ABI3BP: variants seen among roughly 807,000 people sequenced by gnomAD.
The protein encoded by ABI3BP is target of Nesh-SH3.
Under a neutral mutation model 268.6 loss-of-function variants are expected in ABI3BP, and 216 were observed. The ratio of observed to expected loss-of-function variants is 0.80; its 90% CI spans 0.72 to 0.90. ABI3BP has a LOEUF of 0.90. ABI3BP is among the 40% of genes least tolerant of loss of function. The probability of loss-of-function intolerance (pLI) is 0.00; values close to 1 mark genes in which losing one functional copy is unlikely to be tolerated. For missense variants in ABI3BP, 2,090 were observed against 2,182.4 expected, an observed-to-expected ratio of 0.96 and a Z score of 0.84; for synonymous variants, 730 against 730.0, an observed-to-expected ratio of 1.00 and a Z score of 0.00.
intron 1 of ABI3BP, among the ~76,000 whole-genome samples, chr3:100,927,275 T>C (rs2062064903): frequency 1.3e-5 from 2 of 152,154 alleles, no homozygotes; most frequent in Non-Finnish European, 2.9e-5. Flanking sequence ...CTTGACCAAA[T>C]GGTGAGGAAA....
intron 2 of ABI3BP, among the ~76,000 whole-genome samples, chr3:100,915,596 G>A (rs1184296939): frequency 6.6e-6 from 1 of 152,210 alleles, no homozygotes; most frequent in Non-Finnish European, 1.5e-5. Flanking sequence ...GGGAGGCCAA[G>A]CATAAGAACC....
At chr3:100,784,528 G>T (rs746053374) in intron 57 of ABI3BP, among the ~76,000 whole-genome samples, 4 of 152,086 alleles carry the variant, frequency 2.6e-5, no homozygotes, top group Admixed American at 2.6e-4. Flanking sequence ...CTACTACTGG[G>T]TATCTACTTA....
intron 34 of ABI3BP, 117 bp from the exon 35 acceptor site, chr3:100,825,961 G>A: frequency 2.6e-6 from 2 of 775,156 alleles, no homozygotes; most frequent in Admixed American, 2.1e-5. Flanking sequence ...ACATTTCTGG[G>A]AAGGGCATTA....
intron 43 of ABI3BP, chr3:100,816,475 C>A: frequency 1.6e-6 from 1 of 635,568 alleles, no homozygotes; most frequent in Non-Finnish European, 2.8e-6. Context: ...CAAACCAAGT[C>A]ATTTAGGAGA....
chr3:100,750,860 A>G (rs760491624), intron 67 of ABI3BP, among the ~76,000 whole-genome samples: 1 of 152,168 alleles, frequency 6.6e-6, no homozygotes, highest in South Asian at 2.1e-4. Context: ...AGTGAGTTTC[A>G]CTGCCCATTA....
At chr3:100,875,021 A>G (rs141173050) in intron 8 of ABI3BP, 88 bp from the exon 9 acceptor site, 9 of 701,630 alleles carry the variant, frequency 1.3e-5, no homozygotes, top group South Asian at 6.6e-5. Context: ...ATTACAAACT[A>G]TGAAGCATAG....
At chr3:100,794,842 G>T in intron 54 of ABI3BP, 81 bp downstream of exon 54, 1 of 1,010,160 alleles carries the variant, frequency 9.9e-7, no homozygotes, top group South Asian at 1.5e-5. Context: ...AAAAATCTGT[G>T]AACATAATGT....
Position 100,820,921 on chromosome 3 carries a change from G to A in ABI3BP, c.2947+133C>T, listed in dbSNP as rs1411521498. ...TCAGAATTTTCAATACTTTTAGGATGAAGAATATGATGGAATGAAACAGAG... is the reference window on the plus strand; with the variant it reads ...TCAGAATTTTCAATACTTTTAGGATAAAGAATATGATGGAATGAAACAGAG... On this transcript the variant is annotated intron_variant, in intron 39 of 67. Transcript: ENST00000471714. 5.0e-6 allele frequency: 4 copies of A among 797,622 alleles called. No homozygotes were observed. In the African/African-American group the frequency reaches 5.2e-5, roughly 10 times the overall value. The allele number at this position is 797,622 out of a possible 1,614,324, so 49.4% of individuals were successfully genotyped here. A position where few individuals can be genotyped will look rare whatever the true frequency, so the allele number is the denominator to read the frequency against.
chr3:100,750,393 CT>C lies in ABI3BP; in HGVS notation c.*101del. 1.2e-6 allele frequency: 1 copy of C among 847,794 alleles called. No homozygotes were observed. The allele number at this position is 847,794 out of a possible 1,614,324, so 52.5% of individuals were successfully genotyped here. ...GTATTGCTATTAATTAGATTGTAGA[CT>C]TTTATACATAGTAAACAAAATAGCT... On this transcript the variant is annotated 3_prime_UTR_variant, in exon 68 of 68. Coordinates refer to ENST00000471714, the MANE Select transcript of ABI3BP (RefSeq NM_001375547.2).
intron 46 of ABI3BP, among the ~76,000 whole-genome samples, chr3:100,812,086 A>AT (rs112051955): frequency 0.14 from 20,469 of 149,938 alleles, 1,790 homozygotes; most frequent in South Asian, 0.27. Flanking sequence ...TTCCATTTTC[A>AT]TTTTTTTTTT....
chr3:100,882,583 G>C (rs2039927073), intron 6 of ABI3BP, among the ~76,000 whole-genome samples: 1 of 151,910 alleles, frequency 6.6e-6, no homozygotes, highest in Non-Finnish European at 1.5e-5. Context: ...GAGCTGGCTG[G>C]AGTCAGGATA....
chr3:100,787,329 C>A (rs755204332), intron 57 of ABI3BP, among the ~76,000 whole-genome samples: 1 of 151,760 alleles, frequency 6.6e-6, no homozygotes. Flanking sequence ...TGCAGTTATT[C>A]AAAAAAAATT....
At chr3:100,838,593 G>T in intron 24 of ABI3BP, 129 bp from the exon 25 acceptor site, 1 of 794,328 alleles carries the variant, frequency 1.3e-6, no homozygotes, top group Non-Finnish European at 2.0e-6. Context: ...GGTGTGGGAA[G>T]GGTGAAAAGA....
At chr3:100,768,542 A>G (rs576782648) in intron 62 of ABI3BP, among the ~76,000 whole-genome samples, 3 of 152,322 alleles carry the variant, frequency 2.0e-5, no homozygotes, top group Admixed American at 6.5e-5. Flanking sequence ...TTGTAAATAT[A>G]TATTTCCCAT....
intron 15 of ABI3BP, among the ~76,000 whole-genome samples, chr3:100,851,356 T>A (rs2098836262): frequency 6.6e-6 from 1 of 152,166 alleles, no homozygotes; most frequent in South Asian, 2.1e-4. Flanking sequence ...ACGTTAGCAC[T>A]ATTGACAATT....
chr3:100,898,953 C>T (rs1394140775), intron 3 of ABI3BP, 59 bp from the exon 4 acceptor site: 19 of 1,504,110 alleles, frequency 1.3e-5, no homozygotes, highest in East Asian at 5.0e-5. Flanking sequence ...TGCCATGATT[C>T]GGGTAAAATG....
At chr3:100,797,647 C>A (rs1336489773) in intron 51 of ABI3BP, among the ~76,000 whole-genome samples, 2 of 149,414 alleles carry the variant, frequency 1.3e-5, no homozygotes, top group South Asian at 2.1e-4. Flanking sequence ...TGAACAATCT[C>A]TTTTTATTGT....
intron 4 of ABI3BP, among the ~76,000 whole-genome samples, chr3:100,886,776 T>C (rs1345594954): frequency 6.6e-6 from 1 of 151,914 alleles, no homozygotes; most frequent in African/African-American, 2.4e-5. Flanking sequence ...CATTCAATTT[T>C]GTAAAAAAAA....
intron 15 of ABI3BP, among the ~76,000 whole-genome samples, chr3:100,851,336 A>T (rs1316819626): frequency 6.6e-6 from 1 of 152,148 alleles, no homozygotes; most frequent in African/African-American, 2.4e-5. Flanking sequence ...GTTCTACATC[A>T]AGGTTTCTCA....
Sources: allele counts gnomAD v4.1 joint callset (sites outside exome capture counted in the v4.1 genomes callset), GRCh38; gene constraint gnomAD v4.1.1; transcripts MANE v1.5; gene names NCBI Gene and HGNC (gene_info 2026-07-23, HGNC 2026-07-21).